COL22A1: variants seen among roughly 807,000 people sequenced by gnomAD.
COL22A1 encodes collagen type XXII alpha 1 chain.
In COL22A1, 221 loss-of-function variants were observed where a neutral mutation model predicts 248.9. The ratio of observed to expected loss-of-function variants is 0.89; its 90% CI spans 0.80 to 0.99. COL22A1 has a LOEUF of 0.99. Ranked by LOEUF, COL22A1 falls within the 50% of genes least tolerant of loss-of-function variation. The pLI is 0.00. For synonymous variants in COL22A1, 891 were observed against 793.4 expected, an observed-to-expected ratio of 1.12 and a Z score of -2.07; for missense variants, 2,240 against 2,179.0, an observed-to-expected ratio of 1.03 and a Z score of -0.56.
chr8:138,643,688 T>G (rs1821939183), intron 47 of COL22A1, among the ~76,000 whole-genome samples: 1 of 131,696 alleles, frequency 7.6e-6, no homozygotes, highest in South Asian at 2.4e-4. Flanking sequence ...CATAGGGATA[T>G]TATTTTATAT....
At chr8:138,740,537 G>A (rs965866389) in intron 22 of COL22A1, among the ~76,000 whole-genome samples, 1 of 152,162 alleles carries the variant, frequency 6.6e-6, no homozygotes, top group Non-Finnish European at 1.5e-5. Flanking sequence ...GAACACCTAA[G>A]TTGACAACAG....
intron 1 of COL22A1, among the ~76,000 whole-genome samples, chr8:138,905,093 C>G (rs1371698080): frequency 2.6e-5 from 4 of 152,200 alleles, no homozygotes; most frequent in African/African-American, 9.6e-5. Context: ...GATGGATAGA[C>G]AGCTAGATTA....
At position 138,601,965 on chromosome 8, in the gene COL22A1, T is replaced by C. The variant is rs149103041; in HGVS notation, c.4185+150A>G. 1.7e-4 allele frequency: 122 copies of C among 716,948 alleles called. No homozygotes were observed. In the African/African-American group the frequency reaches 2.0e-3, roughly 12 times the overall value. The allele number at this position is 716,948 out of a possible 1,614,324, so 44.4% of individuals were successfully genotyped here. ...CCTCCCTTTGTGGGGCTGGTGATCA[T>C]CCAGGAAAAAGTGAACAAAATCACT... On this transcript the variant is annotated intron_variant, in intron 60 of 64. Coordinates refer to ENST00000303045, the MANE Select transcript of COL22A1 (RefSeq NM_152888.3).
At chr8:138,650,689 G>C (rs1822637348) in intron 45 of COL22A1, among the ~76,000 whole-genome samples, 1 of 14,838 alleles carries the variant, frequency 6.7e-5, no homozygotes, top group Admixed American at 6.9e-4. Flanking sequence ...TAGATAGATA[G>C]ATAGATAGAT....
Position 138,762,405 on chromosome 8 carries a change from C to G in COL22A1, c.1857+8G>C, listed in dbSNP as rs1373419069. On this transcript the variant is annotated splice_region_variant and intron_variant, in intron 17 of 64. Transcript: ENST00000303045. The stretch of plus-strand genomic sequence containing the variant: ...AAACCTAGCCCAACAGCGCCAGCAC[C>G]CACCTACCTGCTGTCCTGTGTCCCC... 2.5e-6 allele frequency: 4 copies of G among 1,614,002 alleles called. No homozygotes were observed. Among genetic ancestry groups the G allele is most frequent in the Non-Finnish European group, 3.4e-6 (4 of 1,179,960 alleles).
At position 138,833,125 on chromosome 8, in the gene COL22A1, A is replaced by T; in HGVS notation, c.759T>A (p.Ser253Arg). 1 of 1,613,548 alleles carries T rather than the reference A, an allele frequency of 6.2e-7. No individual in the cohort carries two copies. Among genetic ancestry groups the T allele is most frequent in the East Asian group, 2.2e-5 (1 of 44,878 alleles). The change falls in exon 5 of 65, where the codon AGT becomes AGA. Residue 253 changes from serine (S) to arginine (R), a missense_variant. By Grantham distance (110) the Ser-to-Arg change is moderately radical (BLOSUM62 -1). Transcript: ENST00000303045. ...ITGFDLMDLF[S>R]VKEILGKREN... is the part of the protein sequence containing the mutation. ...CTCTCTTCCCCAAGATTTCCTTCACACTGAACAAATCCATCAGGTCAAAAC... is the reference window on the plus strand; with the variant it reads ...CTCTCTTCCCCAAGATTTCCTTCACTCTGAACAAATCCATCAGGTCAAAAC...
At chr8:138,663,787 T>C in intron 41 of COL22A1, 47 bp from the exon 42 acceptor site, 1 of 1,435,386 alleles carries the variant, frequency 7.0e-7, no homozygotes, top group Non-Finnish European at 9.8e-7. Flanking sequence ...AATGGCATGC[T>C]GATGTAAACA....
intron 1 of COL22A1, among the ~76,000 whole-genome samples, chr8:138,904,299 T>C (rs1413995236): frequency 6.6e-6 from 1 of 151,848 alleles, no homozygotes; most frequent in Non-Finnish European, 1.5e-5. Context: ...TCAACTTCCC[T>C]CTCCAACGGC....
At chr8:138,713,460 A>G (rs966511838) in intron 30 of COL22A1, among the ~76,000 whole-genome samples, 3 of 152,242 alleles carry the variant, frequency 2.0e-5, no homozygotes, top group Admixed American at 6.5e-5. Flanking sequence ...CATACTGAGT[A>G]TACGGAACCC....
intron 41 of COL22A1, among the ~76,000 whole-genome samples, chr8:138,675,486 A>G (rs1187824117): frequency 6.6e-6 from 1 of 152,230 alleles, no homozygotes; most frequent in Admixed American, 6.5e-5. Context: ...TTTAATAAAG[A>G]TAAAGTTAGA....
intron 17 of COL22A1, among the ~76,000 whole-genome samples, chr8:138,761,322 C>T (rs562572871): frequency 2.6e-5 from 4 of 152,290 alleles, no homozygotes; most frequent in African/African-American, 4.8e-5. Context: ...GTCAATAAAT[C>T]GTGGTACATT....
chr8:138,733,968 G>A (rs1024368170), intron 23 of COL22A1, among the ~76,000 whole-genome samples: 5 of 152,108 alleles, frequency 3.3e-5, no homozygotes, highest in Admixed American at 1.3e-4. Context: ...ACTAGACCGT[G>A]AGAAACCACC....
intron 16 of COL22A1, among the ~76,000 whole-genome samples, chr8:138,774,087 A>G (rs559296019): frequency 6.6e-6 from 1 of 152,288 alleles, no homozygotes; most frequent in South Asian, 2.1e-4. Context: ...CCACAGAGAG[A>G]GCTGACCAGC....
intron 6 of COL22A1, among the ~76,000 whole-genome samples, chr8:138,824,941 C>T (rs1819463994): frequency 6.6e-6 from 1 of 152,276 alleles, no homozygotes; most frequent in East Asian, 1.9e-4. Flanking sequence ...GGTATTTCAT[C>T]CCATTACTCA....
intron 1 of COL22A1, among the ~76,000 whole-genome samples, chr8:138,886,224 G>A (rs1201327132): frequency 6.6e-6 from 1 of 152,144 alleles, no homozygotes; most frequent in Non-Finnish European, 1.5e-5. Flanking sequence ...ATGGGATCTG[G>A]CAGGGGTCCC....
At chr8:138,624,633 GC>G (rs1820094929) in intron 51 of COL22A1, among the ~76,000 whole-genome samples, 1 of 152,168 alleles carries the variant, frequency 6.6e-6, no homozygotes, top group South Asian at 2.1e-4. Flanking sequence ...CTTTACCATT[GC>G]TAAAATTAAA....
intron 3 of COL22A1, among the ~76,000 whole-genome samples, chr8:138,865,138 A>G (rs1288973375): frequency 2.0e-5 from 3 of 152,240 alleles, no homozygotes; most frequent in Non-Finnish European, 4.4e-5. Flanking sequence ...GATATTTCCC[A>G]AGAGTAGACA....
chr8:138,610,162 A>G (rs982610570), intron 56 of COL22A1, among the ~76,000 whole-genome samples: 1 of 152,138 alleles, frequency 6.6e-6, no homozygotes, highest in African/African-American at 2.4e-5. Context: ...CTGTGCTTCC[A>G]TTTCTCATCC....
intron 30 of COL22A1, among the ~76,000 whole-genome samples, chr8:138,714,155 C>G (rs1291416984): frequency 6.6e-6 from 1 of 152,178 alleles, no homozygotes; most frequent in Non-Finnish European, 1.5e-5. Context: ...CTGGAGCCTC[C>G]CTCCAAAGCA....
Sources: gnomAD v4.1 joint callset for allele counts (sites outside exome capture counted in the v4.1 genomes callset) on GRCh38, gnomAD v4.1.1 for gene constraint, MANE v1.5 for transcripts, NCBI Gene and HGNC (gene_info 2026-07-23, HGNC 2026-07-21) for gene names.